The following LPP variants were observed in gnomAD, a reference collection of about 807,000 sequenced individuals.
The protein encoded by LPP is LIM domain containing preferred translocation partner in lipoma.
Under a neutral mutation model 60.4 loss-of-function variants are expected in LPP, and 38 were observed. The ratio of observed to expected loss-of-function variants is 0.63; its 90% CI spans 0.49 to 0.83. The LOEUF (loss-of-function observed/expected upper bound fraction) is 0.83. Among genes scored for constraint, LPP ranks in the 40% least tolerant of loss-of-function variants. LPP has a pLI of 0.00. For missense variants in LPP, 902 were observed against 783.6 expected, an observed-to-expected ratio of 1.15 and a Z score of -1.80; for synonymous variants, 328 against 290.8, an observed-to-expected ratio of 1.13 and a Z score of -1.30.
chr3:188,415,566 T>G (rs1224860104), intron 4 of LPP, among the ~76,000 whole-genome samples: 1 of 152,096 alleles, frequency 6.6e-6, no homozygotes, highest in African/African-American at 2.4e-5. Context: ...GGGCAGATGT[T>G]TCAGTGAAGT....
chr3:188,409,790 T>G (rs1271839577), intron 4 of LPP, among the ~76,000 whole-genome samples: 1 of 152,194 alleles, frequency 6.6e-6, no homozygotes, highest in Non-Finnish European at 1.5e-5. Flanking sequence ...CAACCACAAA[T>G]GCAGAAAGTT....
At chr3:188,786,089 A>G (rs1741761117) in intron 9 of LPP, among the ~76,000 whole-genome samples, 1 of 152,114 alleles carries the variant, frequency 6.6e-6, no homozygotes. Context: ...GATATTAAAC[A>G]TCAGTGCAGG....
intron 9 of LPP, among the ~76,000 whole-genome samples, chr3:188,863,093 C>T (rs1389447322): frequency 1.3e-5 from 2 of 152,064 alleles, no homozygotes; most frequent in African/African-American, 2.4e-5. Context: ...CAAATGAATG[C>T]CCCTTTCAAA....
chr3:188,660,469 T>C (rs932571606), intron 7 of LPP, among the ~76,000 whole-genome samples: 3 of 152,200 alleles, frequency 2.0e-5, no homozygotes, highest in African/African-American at 7.2e-5. Flanking sequence ...TTGTTCCCAT[T>C]GTATGCATGT....
intron 7 of LPP, among the ~76,000 whole-genome samples, chr3:188,666,456 A>G (rs1855820138): frequency 6.6e-6 from 1 of 152,262 alleles, no homozygotes; most frequent in South Asian, 2.1e-4. Flanking sequence ...AGTATAACTT[A>G]GTAGAAAGAA....
chr3:188,222,276 C>G (rs1034352815), intron 1 of LPP, among the ~76,000 whole-genome samples: 1 of 151,978 alleles, frequency 6.6e-6, no homozygotes, highest in Admixed American at 6.6e-5. Flanking sequence ...ATCTAACAAA[C>G]TTAGGGAATA....
chr3:188,705,733 C>G (rs1865360358), intron 7 of LPP, among the ~76,000 whole-genome samples: 1 of 152,086 alleles, frequency 6.6e-6, no homozygotes, highest in Non-Finnish European at 1.5e-5. Context: ...TTTCATGCCC[C>G]AGCCTCCTGA....
chr3:188,336,270 C>G (rs1246018660), intron 2 of LPP, among the ~76,000 whole-genome samples: 1 of 152,034 alleles, frequency 6.6e-6, no homozygotes, highest in Admixed American at 6.5e-5. Flanking sequence ...ATCTTGCCAA[C>G]CTATTGTGAC....
chr3:188,351,291 A>G (rs1765756393), intron 3 of LPP, among the ~76,000 whole-genome samples: 1 of 152,204 alleles, frequency 6.6e-6, no homozygotes, highest in Non-Finnish European at 1.5e-5. Context: ...GGAACTGGAA[A>G]GGAAGTTAAA....
At chr3:188,378,715 C>T (rs1345471061) in intron 3 of LPP, among the ~76,000 whole-genome samples, 1 of 152,218 alleles carries the variant, frequency 6.6e-6, no homozygotes, top group Non-Finnish European at 1.5e-5. Flanking sequence ...ACTGCACCCA[C>T]TCTGCTGCAC....
At chr3:188,803,768 C>G (rs1165651250) in intron 9 of LPP, among the ~76,000 whole-genome samples, 3 of 152,154 alleles carry the variant, frequency 2.0e-5, no homozygotes, top group Non-Finnish European at 4.4e-5. Flanking sequence ...TCTGCTCTTT[C>G]AAAATTGTTT....
At chr3:188,447,930 G>A (rs1795655375) in intron 4 of LPP, among the ~76,000 whole-genome samples, 1 of 152,148 alleles carries the variant, frequency 6.6e-6, no homozygotes, top group African/African-American at 2.4e-5. Context: ...ATCTACTGTT[G>A]TACTGGGGGG....
chr3:188,596,118 C>A (rs566970368), intron 6 of LPP, among the ~76,000 whole-genome samples: 4 of 152,100 alleles, frequency 2.6e-5, no homozygotes, highest in African/African-American at 2.4e-5. Context: ...TTTGAAGCAG[C>A]AGATGTGCCT....
chr3:188,179,263 C>T, intron 1 of LPP: 1 of 458,248 alleles, frequency 2.2e-6, no homozygotes, highest in Non-Finnish European at 4.4e-6. Context: ...GCATTGCCCC[C>T]TGTCTTCGCA....
At chr3:188,247,184 C>G in intron 2 of LPP, 1 of 984,414 alleles carries the variant, frequency 1.0e-6, no homozygotes, top group Non-Finnish European at 1.2e-6. Flanking sequence ...CTGGAGAATT[C>G]TTCTTACCCT....
At chr3:188,823,176 G>C (rs894857081) in intron 9 of LPP, among the ~76,000 whole-genome samples, 1 of 152,138 alleles carries the variant, frequency 6.6e-6, no homozygotes, top group East Asian at 1.9e-4. Context: ...AGAGATGGGT[G>C]AAAATAAATG....
At chr3:188,747,867 G>A (rs2150272505) in intron 8 of LPP, among the ~76,000 whole-genome samples, 1 of 152,272 alleles carries the variant, frequency 6.6e-6, no homozygotes, top group Admixed American at 6.5e-5. Context: ...AATGGAAATG[G>A]CCTTAGGTCC....
chr3:188,747,588 T>C (rs146538868), intron 8 of LPP, among the ~76,000 whole-genome samples: 2 of 152,212 alleles, frequency 1.3e-5, no homozygotes, highest in African/African-American at 2.4e-5. Context: ...TGGTAAGTGA[T>C]AGCAGATGAC....
intron 3 of LPP, among the ~76,000 whole-genome samples, chr3:188,384,718 A>G (rs1437970099): frequency 6.9e-6 from 1 of 144,520 alleles, no homozygotes; most frequent in African/African-American, 2.6e-5. Context: ...TGAACCACGA[A>G]GTCGGAGGTT....
Sources: gnomAD v4.1 joint callset for allele counts (sites outside exome capture counted in the v4.1 genomes callset) on GRCh38, gnomAD v4.1.1 for gene constraint, MANE v1.5 for transcripts, NCBI Gene and HGNC (gene_info 2026-07-23, HGNC 2026-07-21) for gene names.